The following SLC4A8 variants were observed in gnomAD, a reference collection of about 807,000 sequenced individuals.
The protein encoded by SLC4A8 is solute carrier family 4 member 8, also known as electroneutral sodium bicarbonate exchanger 1.
Under a neutral mutation model 125.0 loss-of-function variants are expected in SLC4A8, and 40 were observed. The ratio of observed to expected loss-of-function variants is 0.32; its 90% CI spans 0.25 to 0.42. The LOEUF (loss-of-function observed/expected upper bound fraction) is 0.42. Ranked by LOEUF, SLC4A8 falls within the 10% of genes least tolerant of loss-of-function variation. SLC4A8 has a pLI of 1.00. For synonymous variants in SLC4A8, 456 were observed against 476.0 expected (o/e 0.96, Z 0.55); for missense variants, 863 against 1,355.1 (o/e 0.64, Z 5.70).
intron 5 of SLC4A8, 112 bp downstream of exon 5, chr12:51,453,811 A>T: frequency 1.0e-6 from 1 of 954,194 alleles, no homozygotes; most frequent in Non-Finnish European, 1.5e-6. Context: ...TCCTTGGGCA[A>T]GCCACAACCT....
intron 12 of SLC4A8, 97 bp from the exon 13 acceptor site, chr12:51,470,295 C>G (rs533899503): frequency 4.4e-6 from 5 of 1,124,536 alleles, no homozygotes; most frequent in African/African-American, 1.5e-5. Context: ...AAATGGCCAT[C>G]AAGGCACACA....
At chr12:51,462,273 A>G in intron 9 of SLC4A8, 37 bp from the exon 10 acceptor site, 4 of 1,597,154 alleles carry the variant, frequency 2.5e-6, no homozygotes, top group Non-Finnish European at 3.4e-6. Context: ...ATGTAAAGTT[A>G]CTTTTAACTT....
Position 51,424,859 on chromosome 12 carries a change from G to A in SLC4A8, c.-129G>A, listed in dbSNP as rs1270590292. On this transcript the variant is annotated 5_prime_UTR_variant, in exon 1 of 25. Coordinates refer to ENST00000453097, the MANE Select transcript of SLC4A8 (RefSeq NM_001039960.3). ...GGCCGGTGGCTATGGAGGCGGCGGCGGTTGATGGTTGACCGTTGGCTCCGG... is the reference window on the plus strand; with the variant it reads ...GGCCGGTGGCTATGGAGGCGGCGGCAGTTGATGGTTGACCGTTGGCTCCGG... 4.0e-6 allele frequency: 4 copies of A among 990,754 alleles called. No homozygotes were observed. Among genetic ancestry groups the A allele is most frequent in the Admixed American group, 2.4e-5 (1 of 41,118 alleles). 61.4% of individuals were successfully genotyped at this position (990,754 alleles called of 1,614,324 possible).
intron 17 of SLC4A8, among the ~76,000 whole-genome samples, chr12:51,487,823 T>A (rs964832620): frequency 6.6e-6 from 1 of 152,222 alleles, no homozygotes; most frequent in South Asian, 2.1e-4. Flanking sequence ...CTTGGAGCAA[T>A]CCAGTCCATT....
Position 51,424,848 on chromosome 12 carries a change from G to C in SLC4A8, c.-140G>C. ...GATGCCTCGCGGGCCGGTGGCTATG[G>C]AGGCGGCGGCGGTTGATGGTTGACC... is the stretch of plus-strand genomic sequence containing the variant. On this transcript the variant is annotated 5_prime_UTR_variant, in exon 1 of 25. Transcript: ENST00000453097. 5 of 871,388 alleles carry C rather than the reference G, an allele frequency of 5.7e-6. No homozygotes were observed. The highest frequency in any genetic ancestry group is 8.8e-6 in the Non-Finnish European group (5 of 566,808). 54.0% of individuals were successfully genotyped at this position (871,388 alleles called of 1,614,324 possible).
chr12:51,502,991 G>A (rs996091535), intron 22 of SLC4A8, among the ~76,000 whole-genome samples: 2 of 151,656 alleles, frequency 1.3e-5, no homozygotes, highest in Non-Finnish European at 2.9e-5. Flanking sequence ...ACAGGCGCCC[G>A]CCACCTCGCC....
intron 1 of SLC4A8, among the ~76,000 whole-genome samples, chr12:51,433,893 T>A (rs1949307254): frequency 6.8e-6 from 1 of 146,716 alleles, no homozygotes; most frequent in African/African-American, 2.5e-5. Flanking sequence ...GGTTTTTTTT[T>A]GAGACAGGGT....
At chr12:51,471,702 A>G (rs1341710080) in intron 14 of SLC4A8, 170 bp downstream of exon 14, 37 of 681,330 alleles carry the variant, frequency 5.4e-5, no homozygotes, top group South Asian at 4.3e-4. Context: ...AGAGGAGAAC[A>G]ATCAAAAGTG....
At chr12:51,474,912 A>G (rs1054503128) in intron 15 of SLC4A8, 133 bp from the exon 16 acceptor site, 29 of 785,216 alleles carry the variant, frequency 3.7e-5, no homozygotes, top group African/African-American at 1.7e-5. Flanking sequence ...AACTGCATAA[A>G]GGTCAAGGGG....
chr12:51,463,411 GT>G (rs1474473987), intron 10 of SLC4A8, among the ~76,000 whole-genome samples: 400 of 23,756 alleles, frequency 0.017, 4 homozygotes, highest in African/African-American at 0.042. Context: ...AAATTATGGG[GT>G]GTGTGTGTGT....
intron 16 of SLC4A8, among the ~76,000 whole-genome samples, chr12:51,485,138 GC>G (rs1211133560): frequency 6.6e-6 from 1 of 152,200 alleles, no homozygotes; most frequent in Non-Finnish European, 1.5e-5. Context: ...GCCCTCATAG[GC>G]CAAGAAGGCC....
intron 1 of SLC4A8, among the ~76,000 whole-genome samples, chr12:51,400,781 TACATACACAC>T (rs1368346277): frequency 5.7e-4 from 4 of 6,992 alleles, no homozygotes; most frequent in Admixed American, 1.6e-3. Flanking sequence ...TATATATACA[TACATACACAC>T]ACACACACAC....
intron 1 of SLC4A8, among the ~76,000 whole-genome samples, chr12:51,432,285 C>A (rs1233276671): frequency 1.3e-5 from 2 of 151,492 alleles, no homozygotes; most frequent in African/African-American, 2.4e-5. Flanking sequence ...GTGGCGGGCG[C>A]CTGTAGTCCC....
At chr12:51,498,760 A>C (rs981883811) in intron 22 of SLC4A8, among the ~76,000 whole-genome samples, 2 of 118 alleles carry the variant, frequency 0.017, no homozygotes, top group African/African-American at 0.14. Context: ...AGGCGCCTAT[A>C]ATCTAGCTAT....
intron 24 of SLC4A8, 30 bp from the exon 25 acceptor site, chr12:51,507,394 CCT>C: frequency 1.5e-6 from 2 of 1,334,818 alleles, no homozygotes; most frequent in Non-Finnish European, 2.0e-6. Flanking sequence ...TCATATGTTC[CCT>C]TTTTGTCTAA....
In SLC4A8 at chr12:51,499,624, TACACAC is replaced by T. The variant is rs143239328; in HGVS notation, c.3081+2529_3081+2534del. ...TTTCTTGGTTATAGTGCTATAATTC[TACACAC>T]ACACACACACACACACACACACACA... On this transcript the variant is annotated intron_variant, in intron 22 of 24. Coordinates refer to ENST00000453097, the MANE Select transcript of SLC4A8 (RefSeq NM_001039960.3). Among the ~76,000 whole-genome samples the T allele has an allele frequency of 3.3e-3, 473 of 143,332 alleles. 3 individuals carry two copies. Among genetic ancestry groups the T allele is most frequent in the African/African-American group, 0.011 (417 of 39,150 alleles). 94.0% of individuals were successfully genotyped at this position (143,332 alleles called of 152,430 possible). A position where few individuals can be genotyped will look rare whatever the true frequency, so the allele number is the denominator to read the frequency against.
intron 11 of SLC4A8, among the ~76,000 whole-genome samples, chr12:51,467,124 C>T (rs1013638506): frequency 6.6e-6 from 1 of 152,068 alleles, no homozygotes; most frequent in Admixed American, 6.5e-5. Context: ...TTGAGTCTTG[C>T]CCCAGATAAA....
chr12:51,425,277 G>A (rs1948930251), intron 1 of SLC4A8: 1 of 1,304,390 alleles, frequency 7.7e-7, no homozygotes, highest in Non-Finnish European at 9.7e-7. Context: ...CCCTTGCGCC[G>A]CCCGCCCAGG....
At chr12:51,398,742 CT>C (rs1055591628) in intron 1 of SLC4A8, among the ~76,000 whole-genome samples, 4 of 152,034 alleles carry the variant, frequency 2.6e-5, no homozygotes, top group African/African-American at 9.7e-5. Flanking sequence ...AGAGAAGTTT[CT>C]GTTTCTTTCT....
Sources: allele counts gnomAD v4.1 joint callset (sites outside exome capture counted in the v4.1 genomes callset), GRCh38; gene constraint gnomAD v4.1.1; transcripts MANE v1.5; gene names NCBI Gene and HGNC (gene_info 2026-07-23, HGNC 2026-07-21).